The following ZMIZ1 variants were observed in gnomAD, a reference collection of about 807,000 sequenced individuals.
ZMIZ1 encodes the protein zinc finger MIZ domain-containing protein 1.
Under a neutral mutation model 113.9 loss-of-function variants are expected in ZMIZ1, and 17 were observed. That is an observed-to-expected ratio of 0.15 (90% CI 0.10 to 0.22). The LOEUF is 0.22. ZMIZ1 is among the 10% of genes least tolerant of loss of function. The pLI, the probability that ZMIZ1 is intolerant of heterozygous loss-of-function variation, is 1.00. For missense variants in ZMIZ1, 1,059 were observed against 1,477.8 expected (o/e 0.72, Z 4.65); for synonymous variants, 607 against 603.1 (o/e 1.01, Z -0.09).
intron 7 of ZMIZ1, among the ~76,000 whole-genome samples, chr10:79,218,347 C>T (rs1489143295): frequency 2.6e-5 from 4 of 151,948 alleles, no homozygotes; most frequent in Admixed American, 1.3e-4. Context: ...CGGTGGTGCA[C>T]GCCTGTGGTC....
chr10:79,071,604 G>A (rs1842289026), intron 1 of ZMIZ1, among the ~76,000 whole-genome samples: 1 of 152,154 alleles, frequency 6.6e-6, no homozygotes, highest in Admixed American at 6.5e-5. Context: ...CCAGAGTGGG[G>A]GAAATTCCTG....
intron 7 of ZMIZ1, among the ~76,000 whole-genome samples, chr10:79,248,521 A>G (rs1230270786): frequency 6.6e-6 from 1 of 152,184 alleles, no homozygotes. Flanking sequence ...AGTAGCAGGC[A>G]GGAATCGGGC....
chr10:79,260,268 T>TAG (rs1338443462), intron 7 of ZMIZ1, among the ~76,000 whole-genome samples: 32 of 152,186 alleles, frequency 2.1e-4, no homozygotes, highest in African/African-American at 7.2e-4. Context: ...CTAGCCCTGG[T>TAG]AGAGCTTTTG....
intron 8 of ZMIZ1, among the ~76,000 whole-genome samples, chr10:79,278,985 G>T (rs1219754004): frequency 6.6e-6 from 1 of 152,244 alleles, no homozygotes; most frequent in African/African-American, 2.4e-5. Context: ...GCGGGGCAGA[G>T]GGGCTCCTCA....
intron 8 of ZMIZ1, among the ~76,000 whole-genome samples, chr10:79,288,150 C>T (rs1177597061): frequency 9.2e-5 from 14 of 152,248 alleles, no homozygotes; most frequent in Admixed American, 9.2e-4. Flanking sequence ...CTGGTCGCCT[C>T]TGCAGGAGCC....
chr10:79,217,251 G>A (rs1349895350), intron 7 of ZMIZ1, among the ~76,000 whole-genome samples: 1 of 152,118 alleles, frequency 6.6e-6, no homozygotes, highest in Non-Finnish European at 1.5e-5. Context: ...GTGAAACCCC[G>A]TCTCTACTAA....
chr10:79,178,617 C>T (rs999132881), intron 4 of ZMIZ1, among the ~76,000 whole-genome samples: 5 of 152,190 alleles, frequency 3.3e-5, no homozygotes, highest in African/African-American at 9.7e-5. Flanking sequence ...GCTATCTCCT[C>T]CTGGTGGGTT....
At chr10:79,142,286 T>C (rs914933714) in intron 3 of ZMIZ1, among the ~76,000 whole-genome samples, 3 of 151,996 alleles carry the variant, frequency 2.0e-5, no homozygotes, top group Non-Finnish European at 4.4e-5. Flanking sequence ...ACTAGAGATA[T>C]AAATTTGGGA....
intron 5 of ZMIZ1, among the ~76,000 whole-genome samples, chr10:79,207,465 G>T (rs1004132931): frequency 6.6e-6 from 1 of 152,218 alleles, no homozygotes; most frequent in Non-Finnish European, 1.5e-5. Flanking sequence ...TGAGGAGACG[G>T]ATAAGAGTGA....
chr10:79,199,799 T>C (rs1847994974), intron 4 of ZMIZ1, among the ~76,000 whole-genome samples: 1 of 152,156 alleles, frequency 6.6e-6, no homozygotes, highest in African/African-American at 2.4e-5. Context: ...TGCAAATGAA[T>C]TACCTGTTCA....
chr10:79,302,779 C>T (rs767805911), intron 18 of ZMIZ1, among the ~76,000 whole-genome samples: 17 of 148,572 alleles, frequency 1.1e-4, no homozygotes, highest in Non-Finnish European at 2.1e-4. Context: ...CTGCAGGCTC[C>T]GCCTCATGGG....
intron 1 of ZMIZ1, among the ~76,000 whole-genome samples, chr10:79,101,383 G>C (rs1259971802): frequency 1.3e-5 from 2 of 152,194 alleles, no homozygotes; most frequent in Non-Finnish European, 2.9e-5. Flanking sequence ...GGCTCAGAGT[G>C]CTGGGGGGAT....
At chr10:79,308,202 A>T (rs1322715345) in intron 23 of ZMIZ1, among the ~76,000 whole-genome samples, 1 of 152,192 alleles carries the variant, frequency 6.6e-6, no homozygotes, top group African/African-American at 2.4e-5. Flanking sequence ...GTCCTCATCC[A>T]GTGAGTGCCA....
intron 4 of ZMIZ1, among the ~76,000 whole-genome samples, chr10:79,189,084 T>C (rs1306853794): frequency 6.6e-6 from 1 of 152,188 alleles, no homozygotes; most frequent in Non-Finnish European, 1.5e-5. Context: ...CATCTGGGCA[T>C]CGAGGCCACT....
chr10:79,228,279 C>T (rs1221335769), intron 7 of ZMIZ1, among the ~76,000 whole-genome samples: 1 of 152,206 alleles, frequency 6.6e-6, no homozygotes, highest in African/African-American at 2.4e-5. Context: ...TTCACTTGTC[C>T]AAAGTAGCTC....
At chr10:79,219,905 G>C (rs1848892219) in intron 7 of ZMIZ1, among the ~76,000 whole-genome samples, 1 of 152,112 alleles carries the variant, frequency 6.6e-6, no homozygotes. Flanking sequence ...CAGATATATG[G>C]GCTCTCGGGA....
At chr10:79,197,350 G>GGGCCT (rs1302968598) in intron 4 of ZMIZ1, among the ~76,000 whole-genome samples, 1 of 152,186 alleles carries the variant, frequency 6.6e-6, no homozygotes, top group African/African-American at 2.4e-5. Context: ...GGCTCTGATG[G>GGGCCT]GGCCTGGCAC....
At chr10:79,131,792 C>T (rs927245803) in intron 2 of ZMIZ1, among the ~76,000 whole-genome samples, 3 of 152,110 alleles carry the variant, frequency 2.0e-5, no homozygotes, top group African/African-American at 7.2e-5. Context: ...AAGGGCCCGG[C>T]CCCTGTTCTG....
intron 7 of ZMIZ1, among the ~76,000 whole-genome samples, chr10:79,261,826 G>A (rs1166049561): frequency 1.3e-5 from 2 of 152,208 alleles, no homozygotes; most frequent in Non-Finnish European, 2.9e-5. Context: ...TTAGAGCACC[G>A]AGGTGAGATA....
Sources: gnomAD v4.1 joint callset for allele counts (sites outside exome capture counted in the v4.1 genomes callset) on GRCh38, gnomAD v4.1.1 for gene constraint, MANE v1.5 for transcripts, NCBI Gene and HGNC (gene_info 2026-07-23, HGNC 2026-07-21) for gene names.